The following STIM1 variants were observed in gnomAD, a reference collection of about 807,000 sequenced individuals.
STIM1 encodes stromal interaction molecule 1.
In STIM1, 25 loss-of-function variants were observed where a neutral mutation model predicts 74.7. The observed-to-expected ratio is 0.33, with a 90% CI of 0.24 to 0.47. The LOEUF (loss-of-function observed/expected upper bound fraction) is 0.47, where lower values mean the gene tolerates loss of function less well. Among genes scored for constraint, STIM1 ranks in the 20% least tolerant of loss-of-function variants. The pLI is 1.00. For missense variants in STIM1, 728 were observed against 920.8 expected (o/e 0.79, Z 2.71); for synonymous variants, 328 against 348.8 (o/e 0.94, Z 0.66).
rs568593004 is a variant in STIM1, at chr11:3,928,190, G to A, written c.140-39362G>A. 4.0e-5 allele frequency among the ~76,000 whole-genome samples: 6 copies of A among 151,484 alleles called. No individual in the cohort carries two copies. In the East Asian group the frequency reaches 9.7e-4, roughly 24 times the overall value. ...TAAGGAAGGACATATTTTTTCTTTC[G>A]ATATGTTAATACAGATGTAATCCTG... On this transcript the variant is annotated intron_variant, in intron 1 of 12. Coordinates refer to ENST00000526596, the MANE Select transcript of STIM1 (RefSeq NM_001382567.1).
At chr11:4,044,639 G>A (rs141176334) in intron 3 of STIM1, among the ~76,000 whole-genome samples, 1 of 152,268 alleles carries the variant, frequency 6.6e-6, no homozygotes, top group East Asian at 1.9e-4. Flanking sequence ...GTAACAGAAT[G>A]ATATATGCAG....
At chr11:3,860,567 G>A (rs2090556690) in intron 1 of STIM1, among the ~76,000 whole-genome samples, 1 of 152,160 alleles carries the variant, frequency 6.6e-6, no homozygotes, top group African/African-American at 2.4e-5. Flanking sequence ...GGGAGAGCTG[G>A]GGGAGGCCTT....
At chr11:3,953,724 T>C (rs902238194) in intron 1 of STIM1, among the ~76,000 whole-genome samples, 9 of 152,094 alleles carry the variant, frequency 5.9e-5, no homozygotes, top group Non-Finnish European at 8.8e-5. Context: ...ACATCCATTA[T>C]TCCCATTCTA....
chr11:3,866,360 A>G (rs2090855865), intron 1 of STIM1, among the ~76,000 whole-genome samples: 1 of 151,718 alleles, frequency 6.6e-6, no homozygotes, highest in Non-Finnish European at 1.5e-5. Context: ...CTCTGGTAGC[A>G]CTTACTATCT....
At chr11:4,089,267 G>C (rs1462517384) in intron 12 of STIM1, among the ~76,000 whole-genome samples, 3 of 152,148 alleles carry the variant, frequency 2.0e-5, no homozygotes, top group Non-Finnish European at 4.4e-5. Context: ...GATGAAATAG[G>C]GGTCTGGTCC....
intron 1 of STIM1, among the ~76,000 whole-genome samples, chr11:3,875,209 G>A (rs1423100814): frequency 2.6e-5 from 4 of 152,118 alleles, no homozygotes; most frequent in African/African-American, 7.2e-5. Context: ...CTTGCATTTG[G>A]GGCTTATACT....
intron 1 of STIM1, among the ~76,000 whole-genome samples, chr11:3,890,399 A>G (rs933243263): frequency 6.6e-6 from 1 of 152,234 alleles, no homozygotes; most frequent in Non-Finnish European, 1.5e-5. Flanking sequence ...ATGGTACCTC[A>G]GAAGTCTTAA....
intron 3 of STIM1, among the ~76,000 whole-genome samples, chr11:4,035,453 G>T (rs958774436): frequency 1.3e-5 from 2 of 151,824 alleles, no homozygotes; most frequent in Non-Finnish European, 2.9e-5. Context: ...CCCTGGAAAT[G>T]CATACCTTTA....
At chr11:4,065,183 A>G in intron 5 of STIM1, among the ~76,000 whole-genome samples, 1 of 152,214 alleles carries the variant, frequency 6.6e-6, no homozygotes, top group East Asian at 1.9e-4. Flanking sequence ...GGCCTACAGA[A>G]TAATTGTTGC....
chr11:3,903,845 C>T (rs1047680061), intron 1 of STIM1, among the ~76,000 whole-genome samples: 1 of 152,072 alleles, frequency 6.6e-6, no homozygotes, highest in Non-Finnish European at 1.5e-5. Flanking sequence ...TACTGAGACA[C>T]CCATAAACAA....
intron 2 of STIM1, among the ~76,000 whole-genome samples, chr11:4,005,403 A>G (rs1405790601): frequency 6.6e-6 from 1 of 152,222 alleles, no homozygotes; most frequent in Non-Finnish European, 1.5e-5. Context: ...CTATGCAGCC[A>G]TAAAAGATGA....
intron 1 of STIM1, among the ~76,000 whole-genome samples, chr11:3,877,886 A>G (rs936558584): frequency 6.6e-6 from 1 of 152,178 alleles, no homozygotes; most frequent in African/African-American, 2.4e-5. Flanking sequence ...TCTGATCAGC[A>G]TTTTAGACAC....
At chr11:4,088,673 A>G (rs1428028992) in intron 12 of STIM1, 1 of 1,534,738 alleles carries the variant, frequency 6.5e-7, no homozygotes, top group South Asian at 1.2e-5. Flanking sequence ...CCTGTTCACT[A>G]CTTAATTTTC....
rs1176059435 is a variant in STIM1, at chr11:4,091,503, A to G, written c.1856A>G (p.His619Arg). The G allele has an allele frequency of 1.7e-5, 28 of 1,614,052 alleles. No individual in the cohort carries two copies. Among genetic ancestry groups the G allele is most frequent in the Non-Finnish European group, 2.1e-5 (25 of 1,180,042 alleles). ...LAKKALLALN[H>R]GLDKAHSLME... Reference sequence around the variant, plus strand: ...AAGAAGGCATTACTGGCGCTGAACCATGGGCTGGACAAGGCCCACAGCCTG... The same window carrying G: ...AAGAAGGCATTACTGGCGCTGAACCGTGGGCTGGACAAGGCCCACAGCCTG... Residue 619 changes from histidine (H) to arginine (R), a missense_variant, in exon 13 of 13, where the codon CAT (histidine) becomes CGT (arginine). Physicochemically the swap from His to Arg is conservative, Grantham distance 29. Around this residue, in one of 5 missense-constraint regions of STIM1, gnomAD observed 352 missense variants for 370.1 expected, o/e 0.95. Coordinates refer to ENST00000526596, the MANE Select transcript of STIM1 (RefSeq NM_001382567.1).
At chr11:4,078,909 G>C (rs2094450828) in intron 7 of STIM1, among the ~76,000 whole-genome samples, 1 of 151,802 alleles carries the variant, frequency 6.6e-6, no homozygotes, top group Admixed American at 6.6e-5. Flanking sequence ...GGACCTCAAA[G>C]AACATTTTGA....
At chr11:3,999,897 C>T (rs200505780) in intron 2 of STIM1, among the ~76,000 whole-genome samples, 16 of 152,192 alleles carry the variant, frequency 1.1e-4, no homozygotes, top group Admixed American at 2.0e-4. Flanking sequence ...TGCACTTTTC[C>T]GACGGGCTTA....
intron 1 of STIM1, among the ~76,000 whole-genome samples, chr11:3,869,372 A>G (rs1037483638): frequency 2.6e-5 from 4 of 152,284 alleles, no homozygotes; most frequent in African/African-American, 7.2e-5. Flanking sequence ...GTACAAGGCA[A>G]TCTTGGTTCA....
chr11:3,994,598 C>T lies in STIM1; in HGVS notation c.270+26916C>T, dbSNP rs143601054. On this transcript the variant is annotated intron_variant, in intron 2 of 12. Coordinates refer to ENST00000526596, the MANE Select transcript of STIM1 (RefSeq NM_001382567.1). ...CTCAGCCTCCCCAAGTAGCTGGGAT[C>T]GCAGGCGTACACCACCACACCCGGC... Among the ~76,000 whole-genome samples the T allele has an allele frequency of 1.1e-3, 169 of 151,540 alleles. 1 individual carries two copies. The highest frequency in any genetic ancestry group is 2.0e-3 in the Non-Finnish European group (135 of 67,842).
intron 6 of STIM1, among the ~76,000 whole-genome samples, chr11:4,073,632 A>G (rs186079519): frequency 3.9e-4 from 60 of 152,314 alleles, no homozygotes; most frequent in Non-Finnish European, 6.6e-4. Flanking sequence ...GTGTATTAAC[A>G]TAGATAGCCG....
Sources: allele counts gnomAD v4.1 joint callset (sites outside exome capture counted in the v4.1 genomes callset), GRCh38; gene constraint gnomAD v4.1.1; regional missense constraint gnomAD v4.1.1; transcripts MANE v1.5; gene names NCBI Gene and HGNC (gene_info 2026-07-23, HGNC 2026-07-21).